Variants in LOXL2 observed in about 807,000 individuals in gnomAD.
LOXL2 encodes lysyl oxidase homolog 2.
LOXL2 carries 70 observed loss-of-function variants against 93.0 expected under a neutral mutation model. The observed-to-expected ratio is 0.75, with a 90% CI of 0.62 to 0.92. The LOEUF is 0.92. LOXL2 is among the 40% of genes least tolerant of loss of function. The pLI is 0.00. For synonymous variants in LOXL2, 438 were observed against 413.2 expected (o/e 1.06, Z -0.73); for missense variants, 973 against 1,054.9 (o/e 0.92, Z 1.08).
chr8:23,344,413 G>C (rs1250832804), intron 3 of LOXL2, among the ~76,000 whole-genome samples: 1 of 151,974 alleles, frequency 6.6e-6, no homozygotes, highest in Non-Finnish European at 1.5e-5. Flanking sequence ...CTCTGTGTCT[G>C]TGTGTGTGCA....
At chr8:23,351,083 A>G (rs7006678) in intron 3 of LOXL2, among the ~76,000 whole-genome samples, 46,475 of 151,810 alleles carry the variant, frequency 0.31, 9,275 homozygotes, top group African/African-American at 0.57. Flanking sequence ...TAAGCTCAGG[A>G]TGGGCAAGAC....
Position 23,356,605 on chromosome 8 carries a change from C to T in LOXL2, c.531+3485G>A, listed in dbSNP as rs141336894. On this transcript the variant is annotated intron_variant, in intron 3 of 13. Coordinates refer to ENST00000389131, the MANE Select transcript of LOXL2 (RefSeq NM_002318.3). ...AGGCCCTTTCATGACCTACTTTCAGCGGCTACCAAAGGGAAGAAGTTGCAG... is the reference window on the plus strand; with the variant it reads ...AGGCCCTTTCATGACCTACTTTCAGTGGCTACCAAAGGGAAGAAGTTGCAG... Among the ~76,000 whole-genome samples, 11 of 152,238 alleles carry T rather than the reference C, an allele frequency of 7.2e-5. No individual in the cohort carries two copies. The East Asian group carries it at 1.4e-3, about 19-fold the overall frequency.
intron 6 of LOXL2, 106 bp downstream of exon 6, chr8:23,328,276 G>A (rs1449886556): frequency 8.3e-7 from 1 of 1,209,760 alleles, no homozygotes; most frequent in African/African-American, 1.5e-5. Flanking sequence ...CTAAAGGGAG[G>A]AGGGAAAGTG....
intron 1 of LOXL2, among the ~76,000 whole-genome samples, chr8:23,403,405 G>C (rs1387816306): frequency 6.6e-6 from 1 of 152,218 alleles, no homozygotes. Flanking sequence ...GAGCAGGCTG[G>C]GGGTTGAACC....
Position 23,306,262 on chromosome 8 carries a change from G to A in LOXL2, c.1881-2865C>T, listed in dbSNP as rs547357777. Among the ~76,000 whole-genome samples, 20 of 152,324 alleles carry A rather than the reference G, an allele frequency of 1.3e-4. No individual in the cohort carries two copies. The South Asian group carries it at 4.1e-3, about 32-fold the overall frequency. ...ATTGGTGGCCCCAATGAAACTCCCA[G>A]TCAGAGCCTTGGTGCCCTTTGCAGA... On this transcript the variant is annotated intron_variant, in intron 10 of 13. Transcript: ENST00000389131.
chr8:23,370,404 G>A (rs1029726846), intron 1 of LOXL2, among the ~76,000 whole-genome samples: 3 of 152,044 alleles, frequency 2.0e-5, no homozygotes, highest in African/African-American at 2.4e-5. Flanking sequence ...CTCTGCCACC[G>A]GACCCTCAGG....
chr8:23,342,801 A>C (rs1803905660), intron 3 of LOXL2, among the ~76,000 whole-genome samples: 1 of 151,922 alleles, frequency 6.6e-6, no homozygotes, highest in South Asian at 2.1e-4. Flanking sequence ...CCCAGGCTGG[A>C]GTGCAGTGGT....
intron 7 of LOXL2, among the ~76,000 whole-genome samples, chr8:23,321,049 C>T (rs1803488107): frequency 7.2e-6 from 1 of 139,718 alleles, no homozygotes; most frequent in Non-Finnish European, 1.6e-5. Context: ...CACATCCTGT[C>T]GGTCTTCACC....
chr8:23,397,661 C>T (rs556377425), intron 1 of LOXL2, among the ~76,000 whole-genome samples: 1 of 151,890 alleles, frequency 6.6e-6, no homozygotes, highest in Admixed American at 6.5e-5. Flanking sequence ...GCCTGTGGTC[C>T]CAGCTACTCA....
chr8:23,346,409 C>T (rs1237377544), intron 3 of LOXL2, among the ~76,000 whole-genome samples: 1 of 152,092 alleles, frequency 6.6e-6, no homozygotes, highest in Non-Finnish European at 1.5e-5. Context: ...CATCCTCTGG[C>T]AGGGCCTGAG....
At chr8:23,348,709 C>T (rs935870928) in intron 3 of LOXL2, among the ~76,000 whole-genome samples, 24 of 152,040 alleles carry the variant, frequency 1.6e-4, no homozygotes, top group African/African-American at 5.6e-4. Flanking sequence ...AACCCCGTCT[C>T]TACTAAAAAT....
rs1196669296 is a variant in LOXL2, at chr8:23,374,108, C to T, written c.-83-5674G>A. 2.5e-4 allele frequency among the ~76,000 whole-genome samples: 29 copies of T among 117,702 alleles called. 1 individual carries two copies. In the Admixed American group the frequency reaches 2.6e-3, roughly 10 times the overall value. The allele number at this position is 117,702 out of a possible 152,430, so 77.2% of individuals were successfully genotyped here. The stretch of plus-strand genomic sequence containing the variant: ...ATGCTTTCCCTCCCCCCTCCCCCCA[C>T]CCCACAACAGGCCCCGGTGTGTGAT... On this transcript the variant is annotated intron_variant, in intron 1 of 13. Transcript: ENST00000389131.
At chr8:23,306,848 G>C (rs1176112185) in intron 10 of LOXL2, among the ~76,000 whole-genome samples, 5 of 152,226 alleles carry the variant, frequency 3.3e-5, no homozygotes, top group Non-Finnish European at 5.9e-5. Flanking sequence ...TTGAGCAGCG[G>C]TGGCCCCACA....
At position 23,302,138 on chromosome 8, in the gene LOXL2, G is replaced by A; in HGVS notation, c.2022C>T (p.Ala674=). The change falls in exon 12 of 14, where the codon GCC becomes GCT. Residue 674 remains alanine, a synonymous_variant. Transcript: ENST00000389131. ...TGGTGATGCCCTGATCGCCGAAGTT[G>A]GCACACTCGTAATTCTTCTGGATGT... The part of the protein sequence containing the change: ...EGDIQKNYEC[A]NFGDQGITMG... 6.2e-7 allele frequency: 1 copy of A among 1,614,138 alleles called. No homozygotes were observed. Among genetic ancestry groups the A allele is most frequent in the Non-Finnish European group, 8.5e-7 (1 of 1,180,012 alleles).
chr8:23,354,950 T>TATATATATATATATATATATA (rs1491334754), intron 3 of LOXL2, among the ~76,000 whole-genome samples: 6 of 17,950 alleles, frequency 3.3e-4, no homozygotes, highest in Admixed American at 9.8e-4. Context: ...TATATATATA[T>TATATATATATATATATATATA]TTTTTTTTTT....
chr8:23,299,764 G>A lies in LOXL2; in HGVS notation c.2134-817C>T, dbSNP rs903526590. On this transcript the variant is annotated intron_variant, in intron 12 of 13. Coordinates refer to ENST00000389131, the MANE Select transcript of LOXL2 (RefSeq NM_002318.3). ...GGGCTGCGACCCACAGCAGGGGGGC[G>A]GGTACAGGCTGCTCGTTCAGGAACA... Among the ~76,000 whole-genome samples, 8 of 152,212 alleles carry A rather than the reference G, an allele frequency of 5.3e-5. No homozygotes were observed. In the East Asian group the frequency reaches 1.2e-3, roughly 22 times the overall value.
chr8:23,361,734 G>C (rs968963864), intron 2 of LOXL2, among the ~76,000 whole-genome samples: 1 of 152,110 alleles, frequency 6.6e-6, no homozygotes, highest in Admixed American at 6.6e-5. Context: ...CCAGCTACTC[G>C]GGAGGCTGAG....
At chr8:23,354,385 A>G (rs572978032) in intron 3 of LOXL2, among the ~76,000 whole-genome samples, 1 of 152,342 alleles carries the variant, frequency 6.6e-6, no homozygotes, top group South Asian at 2.1e-4. Context: ...CAGAGAAATC[A>G]TTCACTGACG....
At position 23,338,648 on chromosome 8, in the gene LOXL2, G is replaced by A. The variant is rs375751685; in HGVS notation, c.743+2344C>T. On this transcript the variant is annotated intron_variant, in intron 4 of 13. Coordinates refer to ENST00000389131, the MANE Select transcript of LOXL2 (RefSeq NM_002318.3). ...CTGCCAGCAACAGCAGCCACAGGCT[G>A]TAGGAAGAGGGAAAGGGACATGGGA... Among the ~76,000 whole-genome samples, 7 of 152,334 alleles carry A rather than the reference G, an allele frequency of 4.6e-5. No individual in the cohort carries two copies. In the East Asian group the frequency reaches 7.7e-4, roughly 17 times the overall value.
Sources: gnomAD v4.1 joint callset for allele counts (sites outside exome capture counted in the v4.1 genomes callset) on GRCh38, gnomAD v4.1.1 for gene constraint, MANE v1.5 for transcripts, NCBI Gene and HGNC (gene_info 2026-07-23, HGNC 2026-07-21) for gene names.